The following SLC31A1 variants were observed in gnomAD, a reference collection of about 807,000 sequenced individuals.
SLC31A1 encodes high affinity copper uptake protein 1.
In SLC31A1, 5 loss-of-function variants were observed where a neutral mutation model predicts 17.2. That is an observed-to-expected ratio of 0.29 (90% CI 0.15 to 0.61). The LOEUF (loss-of-function observed/expected upper bound fraction) is 0.61. Among genes scored for constraint, SLC31A1 ranks in the 20% least tolerant of loss-of-function variants. The pLI is 0.86. For missense variants in SLC31A1, 161 were observed against 241.4 expected (o/e 0.67, Z 2.21); for synonymous variants, 76 against 78.8 (o/e 0.96, Z 0.19).
At position 113,258,894 on chromosome 9, in the gene SLC31A1, A is replaced by G; in HGVS notation, c.371+32A>G. 1 of 1,609,604 alleles carries G rather than the reference A, an allele frequency of 6.2e-7. No homozygotes were observed. Among genetic ancestry groups the G allele is most frequent in the Non-Finnish European group, 8.5e-7 (1 of 1,175,856 alleles). ...ACTGAACAGATCCAGATGAAGTCCT[A>G]AAGAACTCGATCAGTTAAGCAGCAA... is the stretch of plus-strand genomic sequence containing the variant. On this transcript the variant is annotated intron_variant, in intron 4 of 4. Coordinates refer to ENST00000374212, the MANE Select transcript of SLC31A1 (RefSeq NM_001859.4). This position sits in a 1 kb window ranked among gnomAD's most constrained non-coding sequence, Gnocchi z 4.8.
chr9:113,222,174 T>C (rs928081808), intron 1 of SLC31A1, among the ~76,000 whole-genome samples: 1 of 152,190 alleles, frequency 6.6e-6, no homozygotes, highest in African/African-American at 2.4e-5. Context: ...ACAGAGTGAC[T>C]ATTGAAAGAC....
Position 113,261,566 on chromosome 9 carries a change from G to T in SLC31A1, c.*1093G>T, listed in dbSNP as rs1831794253. ...ACAGTTTACTTTGTCTTGATACCTTGGTTTGTCCCAGCTGAAGTGAAGCAA... is the reference window on the plus strand; with the variant it reads ...ACAGTTTACTTTGTCTTGATACCTTTGTTTGTCCCAGCTGAAGTGAAGCAA... On this transcript the variant is annotated 3_prime_UTR_variant, in exon 5 of 5. Transcript: ENST00000374212. 1 of 152,590 alleles carries T rather than the reference G, an allele frequency of 6.6e-6. No individual in the cohort carries two copies. Among genetic ancestry groups the T allele is most frequent in the South Asian group, 2.1e-4 (1 of 4,822 alleles). 9.5% of individuals were successfully genotyped at this position (152,590 alleles called of 1,614,324 possible). A position where few individuals can be genotyped will look rare whatever the true frequency, so the allele number is the denominator to read the frequency against.
chr9:113,253,958 CTTT>C (rs397967653), intron 1 of SLC31A1, among the ~76,000 whole-genome samples: 3 of 110,402 alleles, frequency 2.7e-5, no homozygotes, highest in Admixed American at 1.1e-4. Flanking sequence ...TACCCACAGT[CTTT>C]TTTTTTTTTT....
At chr9:113,259,752 T>C (rs1384482144) in intron 4 of SLC31A1, among the ~76,000 whole-genome samples, 2 of 151,782 alleles carry the variant, frequency 1.3e-5, no homozygotes, top group African/African-American at 2.4e-5. Context: ...ACCCAGCTAA[T>C]TTTTTTTATT....
chr9:113,243,091 T>G (rs1362463615), intron 1 of SLC31A1, among the ~76,000 whole-genome samples: 1 of 152,014 alleles, frequency 6.6e-6, no homozygotes, highest in African/African-American at 2.4e-5. Flanking sequence ...TTTTTTTGTT[T>G]AAGTTTTAGC....
intron 1 of SLC31A1, among the ~76,000 whole-genome samples, chr9:113,248,519 GA>G: frequency 7.3e-6 from 1 of 137,818 alleles, no homozygotes. Context: ...GCCCAGGCTG[GA>G]GTGCAATGGT....
At chr9:113,226,598 A>G (rs1213183572) in intron 1 of SLC31A1, among the ~76,000 whole-genome samples, 3 of 152,082 alleles carry the variant, frequency 2.0e-5, no homozygotes, top group Non-Finnish European at 4.4e-5. Context: ...AGAAGGGTCC[A>G]CCCTACCTCT....
At position 113,258,243 on chromosome 9, in the gene SLC31A1, G is replaced by A. The variant is rs996862845; in HGVS notation, c.203-451G>A. Among the ~76,000 whole-genome samples, 9 of 152,176 alleles carry A rather than the reference G, an allele frequency of 5.9e-5. No individual in the cohort carries two copies. The highest frequency in any genetic ancestry group is 1.2e-4 in the Non-Finnish European group (8 of 68,044). ...GGAAGAAGGAGAGCATTTAGTTCAG[G>A]TAATGTGTTAAATTAGCAGTTTGAA... On this transcript the variant is annotated intron_variant, in intron 3 of 4. Coordinates refer to ENST00000374212, the MANE Select transcript of SLC31A1 (RefSeq NM_001859.4). The surrounding 1 kb of genome is among the most constrained non-coding windows in gnomAD (Gnocchi z 4.8).
intron 1 of SLC31A1, among the ~76,000 whole-genome samples, chr9:113,222,022 G>C (rs868074090): frequency 6.6e-6 from 1 of 152,218 alleles, no homozygotes; most frequent in Non-Finnish European, 1.5e-5. Flanking sequence ...GGAGACGAAG[G>C]AACTAAGCAC....
At chr9:113,236,345 A>G (rs1831459152) in intron 1 of SLC31A1, among the ~76,000 whole-genome samples, 1 of 151,712 alleles carries the variant, frequency 6.6e-6, no homozygotes, top group Non-Finnish European at 1.5e-5. Flanking sequence ...CACTGAAACT[A>G]TTCTTTTTTT....
At chr9:113,245,443 C>T (rs7022516) in intron 1 of SLC31A1, among the ~76,000 whole-genome samples, 22,425 of 152,016 alleles carry the variant, frequency 0.15, 1,941 homozygotes, top group East Asian at 0.34. Context: ...TGTGAGCCAT[C>T]GCACCCGGCC....
At chr9:113,247,967 C>T (rs146815362) in intron 1 of SLC31A1, among the ~76,000 whole-genome samples, 39 of 152,266 alleles carry the variant, frequency 2.6e-4, no homozygotes, top group African/African-American at 8.9e-4. Context: ...TCCACATAAA[C>T]TCCTGCTTAA....
Position 113,262,914 on chromosome 9 carries a change from CTT to C in SLC31A1, c.*2443_*2444del, listed in dbSNP as rs1831809619. 4 of 152,650 alleles carry C rather than the reference CTT, an allele frequency of 2.6e-5. No individual in the cohort carries two copies. The highest frequency in any genetic ancestry group is 1.3e-4 in the Admixed American group (2 of 15,286). 9.5% of individuals were successfully genotyped at this position (152,650 alleles called of 1,614,324 possible). A position where few individuals can be genotyped will look rare whatever the true frequency, so the allele number is the denominator to read the frequency against. On this transcript the variant is annotated 3_prime_UTR_variant, in exon 5 of 5. Coordinates refer to ENST00000374212, the MANE Select transcript of SLC31A1 (RefSeq NM_001859.4). ...ATGGCTCATGCCTGTAATCCCAACA[CTT>C]TGGGAGGCCAAGGTGGGAGGATGGC...
chr9:113,230,220 G>A (rs527824445), intron 1 of SLC31A1, among the ~76,000 whole-genome samples: 4 of 152,250 alleles, frequency 2.6e-5, no homozygotes, highest in African/African-American at 9.6e-5. Context: ...TTGGGGATTT[G>A]TTTGTTTGTT....
intron 1 of SLC31A1, among the ~76,000 whole-genome samples, chr9:113,230,088 C>T (rs577464549): frequency 6.6e-6 from 1 of 152,284 alleles, no homozygotes; most frequent in East Asian, 1.9e-4. Context: ...AAAGATGAAA[C>T]AAAGAGAGCC....
At chr9:113,257,006 C>T (rs1421047781) in intron 2 of SLC31A1, 107 bp from the exon 3 acceptor site, 2 of 940,496 alleles carry the variant, frequency 2.1e-6, no homozygotes, top group East Asian at 2.4e-5. Context: ...GTGAATGTCT[C>T]TTATTATCCA....
At chr9:113,249,535 T>G (rs901718480) in intron 1 of SLC31A1, among the ~76,000 whole-genome samples, 2 of 151,984 alleles carry the variant, frequency 1.3e-5, no homozygotes, top group Admixed American at 6.6e-5. Flanking sequence ...CCCAGCTAAT[T>G]TTATATTTTT....
rs547713530 is a variant in SLC31A1, at chr9:113,263,611, A to T, written c.*3138A>T. ...GTCTCCATAGCCCTCCTGATGCAGT[A>T]GACAGTGCTATGCTGTGGATATAAT... On this transcript the variant is annotated 3_prime_UTR_variant, in exon 5 of 5. Coordinates refer to ENST00000374212, the MANE Select transcript of SLC31A1 (RefSeq NM_001859.4). 1.3e-5 allele frequency: 2 copies of T among 152,720 alleles called. No individual in the cohort carries two copies. Among genetic ancestry groups the T allele is most frequent in the African/African-American group, 4.8e-5 (2 of 41,540 alleles). The allele number at this position is 152,720 out of a possible 1,614,324, so 9.5% of individuals were successfully genotyped here.
At chr9:113,247,650 T>C (rs188718017) in intron 1 of SLC31A1, among the ~76,000 whole-genome samples, 5 of 152,318 alleles carry the variant, frequency 3.3e-5, no homozygotes, top group African/African-American at 9.6e-5. Context: ...ACTTTTTTGA[T>C]AATCTTCAGA....
Sources: allele counts gnomAD v4.1 joint callset (sites outside exome capture counted in the v4.1 genomes callset), GRCh38; gene constraint gnomAD v4.1.1; non-coding constraint Gnocchi (gnomAD v3.1); transcripts MANE v1.5; gene names NCBI Gene and HGNC (gene_info 2026-07-23, HGNC 2026-07-21).